Variants in ZNF687 observed in about 807,000 individuals in gnomAD.
ZNF687 encodes the protein zinc finger protein 687.
Under a neutral mutation model 71.8 loss-of-function variants are expected in ZNF687, and 13 were observed. That is an observed-to-expected ratio of 0.18 (90% CI 0.12 to 0.29). ZNF687 has a LOEUF of 0.29. Among genes scored for constraint, ZNF687 ranks in the 10% least tolerant of loss-of-function variants. The pLI is 1.00. For missense variants in ZNF687, 1,412 were observed against 1,625.6 expected (o/e 0.87, Z 2.26); for synonymous variants, 673 against 641.6 (o/e 1.05, Z -0.74).
In ZNF687 at chr1:151,287,872, C is replaced by G; in HGVS notation, c.1581C>G (p.Ala527=). ...GCCCACCAGCTGAGGCTGGGCTGGC[C>G]CTGCCTCCCACCGGCTACCGCTGCC... The part of the protein sequence containing the change: ...NLSPPAEAGL[A]LPPTGYRCLE... The change falls in exon 2 of 9, where the codon GCC becomes GCG. Residue 527 remains alanine, a synonymous_variant. Transcript: ENST00000336715. This position sits in a 1 kb window ranked among gnomAD's most constrained non-coding sequence, Gnocchi z 5.0. The G allele has an allele frequency of 6.2e-7, 1 of 1,613,882 alleles. No homozygotes were observed. The highest frequency in any genetic ancestry group is 8.5e-7 in the Non-Finnish European group (1 of 1,179,988).
At chr1:151,286,146 C>T (rs954148798) in intron 1 of ZNF687, 129 bp from the exon 2 acceptor site, 14 of 699,516 alleles carry the variant, frequency 2.0e-5, no homozygotes, top group African/African-American at 7.2e-5. Flanking sequence ...CATGCCGTGG[C>T]GGAGGTGTAC....
chr1:151,291,006 G>A lies in ZNF687; in HGVS notation c.3511G>A (p.Gly1171Arg). The change falls in exon 9 of 9, where the codon GGG (glycine) becomes AGG (arginine). Residue 1171 changes from glycine (G) to arginine (R), a missense_variant. Transcript: ENST00000336715. ...RRGVGKASALGLGDGEEEAPP... is the reference protein window; with the variant it reads ...RRGVGKASALRLGDGEEEAPP... ...GGGTGTGGGTAAAGCCAGTGCCCTG[G>A]GGCTGGGGGATGGGGAGGAAGAGGC... 6.2e-7 allele frequency: 1 copy of A among 1,614,002 alleles called. No individual in the cohort carries two copies.
chr1:151,286,815 A>C lies in ZNF687; in HGVS notation c.524A>C (p.Asp175Ala), dbSNP rs779473474. Residue 175 changes from aspartate (D) to alanine (A), a missense_variant, in exon 2 of 9, where the codon GAT (aspartate) becomes GCT (alanine). By Grantham distance (126) the Asp-to-Ala change is moderately radical. Coordinates refer to ENST00000336715, the MANE Select transcript of ZNF687 (RefSeq NM_020832.3). ...HFGPEPGDHS[D>A]PLPPSAPSPT... is the part of the protein sequence containing the mutation. The stretch of plus-strand genomic sequence containing the variant: ...GGCCCTGAGCCAGGGGACCACTCAG[A>C]TCCGCTGCCTCCCTCTGCACCCTCT... The C allele has an allele frequency of 1.9e-6, 3 of 1,614,012 alleles. No homozygotes were observed. The African/African-American group carries it at 4.0e-5, about 22-fold the overall frequency.
At position 151,287,304 on chromosome 1, in the gene ZNF687, C is replaced by G. The variant is rs778316550; in HGVS notation, c.1013C>G (p.Ser338Cys). Residue 338 changes from serine to cysteine, a missense_variant, in exon 2 of 9, where the codon TCC becomes TGC. By Grantham distance (112) the Ser-to-Cys change is moderately radical. This residue lies in a region of ZNF687 where 490 missense variants were observed against 489.9 expected (regional missense o/e 1.00). Coordinates refer to ENST00000336715, the MANE Select transcript of ZNF687 (RefSeq NM_020832.3). This position sits in a 1 kb window ranked among gnomAD's most constrained non-coding sequence, Gnocchi z 5.0. ...LKVRIKTIKTSCGNITRTVTQ... is the reference protein window; with the variant it reads ...LKVRIKTIKTCCGNITRTVTQ... ...GTGCGGATCAAGACCATTAAAACATCCTGCGGGAATATCACAAGGACTGTA... is the reference window on the plus strand; with the variant it reads ...GTGCGGATCAAGACCATTAAAACATGCTGCGGGAATATCACAAGGACTGTA... 8.7e-6 allele frequency: 14 copies of G among 1,614,084 alleles called. No individual in the cohort carries two copies. The highest frequency in any genetic ancestry group is 1.2e-5 in the Non-Finnish European group (14 of 1,180,042).
intron 1 of ZNF687, 45 bp downstream of exon 1, chr1:151,282,440 T>G (rs922487704): frequency 5.1e-6 from 5 of 978,050 alleles, no homozygotes; most frequent in South Asian, 4.6e-5. Flanking sequence ...TCCGCCCCCT[T>G]GGGGGGGGCG....
Position 151,286,603 on chromosome 1 carries a change from A to C in ZNF687, c.312A>C (p.Gly104=). The change falls in exon 2 of 9, where the codon GGA becomes GGC. Residue 104 remains glycine, a synonymous_variant. Coordinates refer to ENST00000336715, the MANE Select transcript of ZNF687 (RefSeq NM_020832.3). ...QSEALAGGSA[G]DGAQAAGVTK... is the part of the protein sequence containing the mutation. The stretch of plus-strand genomic sequence containing the variant: ...AGGCCCTGGCTGGAGGCTCAGCAGG[A>C]GACGGGGCCCAGGCTGCTGGGGTAA... 6.2e-7 allele frequency: 1 copy of C among 1,614,188 alleles called. No individual in the cohort carries two copies. The highest frequency in any genetic ancestry group is 1.1e-5 in the South Asian group (1 of 91,084).
Position 151,287,530 on chromosome 1 carries a change from G to C in ZNF687, c.1239G>C (p.Met413Ile). 6.2e-7 allele frequency: 1 copy of C among 1,614,162 alleles called. No individual in the cohort carries two copies. The highest frequency in any genetic ancestry group is 8.5e-7 in the Non-Finnish European group (1 of 1,180,034). ...VATIQNASTA[M>I]LMAASVARKA... ...CCATCCAGAACGCCAGTACTGCCAT[G>C]CTGATGGCAGCCAGTGTGGCTCGCA... Residue 413 changes from methionine (M) to isoleucine (I), a missense_variant, in exon 2 of 9, where the codon ATG becomes ATC. Met to Ile is a conservative substitution (Grantham distance 10). Transcript: ENST00000336715. This position sits in a 1 kb window ranked among gnomAD's most constrained non-coding sequence, Gnocchi z 5.0.
At chr1:151,288,947 G>A in intron 3 of ZNF687, 148 bp from the exon 4 acceptor site, 1 of 1,013,434 alleles carries the variant, frequency 9.9e-7, no homozygotes, top group Admixed American at 2.6e-5. Context: ...CACAGCCTCT[G>A]CACCTCTCTC....
rs1482068443 is a variant in ZNF687, at chr1:151,292,063, G to C, written c.*854G>C. The C allele has an allele frequency of 6.6e-6, 1 of 152,106 alleles. No individual in the cohort carries two copies. The highest frequency in any genetic ancestry group is 1.9e-4 in the East Asian group (1 of 5,184). The allele number at this position is 152,106 out of a possible 1,614,324, so 9.4% of individuals were successfully genotyped here. On this transcript the variant is annotated 3_prime_UTR_variant, in exon 9 of 9. Transcript: ENST00000336715. ...GTGCCTTTTGTATCTTGGACACTGA[G>C]GCATCCGTTCATACCTCATCACCCA...
At chr1:151,283,805 C>T in intron 1 of ZNF687, 1 of 985,310 alleles carries the variant, frequency 1.0e-6, no homozygotes, top group Non-Finnish European at 1.2e-6. Context: ...TTGCCCCCAC[C>T]CCAACCTTGG....
chr1:151,281,976 C>T (rs1693730108), upstream of ZNF687: 2 of 1,210,006 alleles, frequency 1.7e-6, no homozygotes, highest in South Asian at 2.8e-5. Context: ...AGTAGGCAAG[C>T]TGGGAAGCAG....
rs1209976739 is a variant in ZNF687 at position 151,289,952 on chromosome 1, C to G, written c.2909C>G (p.Ser970Cys). 7 of 1,568,054 alleles carry G rather than the reference C, an allele frequency of 4.5e-6. No homozygotes were observed. Among genetic ancestry groups the G allele is most frequent in the Non-Finnish European group, 6.1e-6 (7 of 1,154,372 alleles). ...GGCTGGACCTGTGGCCTGTGTCACT[C>G]CTGGTTCCCTGAGCGTGATGAATAC... Reference protein sequence around the residue: ...PGGWTCGLCHSWFPERDEYVA... With the variant: ...PGGWTCGLCHCWFPERDEYVA... Residue 970 changes from serine (S) to cysteine (C), a missense_variant, in exon 6 of 9, where the codon TCC (serine) becomes TGC (cysteine). This residue lies in a region of ZNF687 where 135 missense variants were observed against 104.1 expected (regional missense o/e 1.30). Transcript: ENST00000336715.
rs376423165 is a variant in ZNF687, at chr1:151,286,685, C to T, written c.394C>T (p.Pro132Ser). Reference protein sequence around the residue: ...RMQNGFGSPEPSLPGTPHSPA... With the variant: ...RMQNGFGSPESSLPGTPHSPA... ...GCAGAATGGTTTTGGGAGCCCTGAACCTTCCCTCCCAGGAACTCCCCACTC... is the reference window on the plus strand; with the variant it reads ...GCAGAATGGTTTTGGGAGCCCTGAATCTTCCCTCCCAGGAACTCCCCACTC... Residue 132 changes from proline (P) to serine (S), a missense_variant, in exon 2 of 9, where the codon CCT becomes TCT. By Grantham distance (74) the Pro-to-Ser change is moderately conservative. Around this residue, in one of 8 missense-constraint regions of ZNF687, gnomAD observed 490 missense variants for 489.9 expected, o/e 1.00. Coordinates refer to ENST00000336715, the MANE Select transcript of ZNF687 (RefSeq NM_020832.3). 3.1e-6 allele frequency: 5 copies of T among 1,614,082 alleles called. 1 individual carries two copies. In the South Asian group the frequency reaches 3.3e-5, roughly 11 times the overall value.
chr1:151,282,411 G>T lies in ZNF687; in HGVS notation c.-18+16G>T, dbSNP rs952209523. 6 of 986,658 alleles carry T rather than the reference G, an allele frequency of 6.1e-6. No individual in the cohort carries two copies. Among genetic ancestry groups the T allele is most frequent in the Admixed American group, 6.1e-5 (1 of 16,344 alleles). The allele number at this position is 986,658 out of a possible 1,614,324, so 61.1% of individuals were successfully genotyped here. On this transcript the variant is annotated intron_variant, in intron 1 of 8. Coordinates refer to ENST00000336715, the MANE Select transcript of ZNF687 (RefSeq NM_020832.3). ...AGCGGAACAAGTAAGCGTGCCTGGG[G>T]TAAATACCCGCCCTTGGCTCCGCCC...
chr1:151,283,091 T>C (rs1232457981), intron 1 of ZNF687: 1 of 985,310 alleles, frequency 1.0e-6, no homozygotes, highest in Non-Finnish European at 1.2e-6. Flanking sequence ...GGCCCGGCCT[T>C]CGCTTCGCAC....
Position 151,291,158 on chromosome 1 carries a change from G to T in ZNF687, c.3663G>T (p.Thr1221=). ...SPLNLKTHFR[T]HGMAFIRARQ... ...TAAACCTCAAGACCCACTTCCGCAC[G>T]CATGGCATGGCGTTCATCAGGGCTC... Residue 1221 remains threonine (T), a synonymous_variant, in exon 9 of 9, where the codon ACG becomes ACT. Transcript: ENST00000336715. 1 of 1,612,958 alleles carries T rather than the reference G, an allele frequency of 6.2e-7. No individual in the cohort carries two copies. The highest frequency in any genetic ancestry group is 2.2e-5 in the East Asian group (1 of 44,860).
Position 151,290,453 on chromosome 1 carries a change from C to T in ZNF687, c.3099C>T (p.Arg1033=). The T allele has an allele frequency of 6.2e-7, 1 of 1,613,970 alleles. No homozygotes were observed. The highest frequency in any genetic ancestry group is 8.5e-7 in the Non-Finnish European group (1 of 1,180,026). ...YPCRYCTEGK[R]TFSSRLILEK... is the part of the protein sequence containing the mutation. Reference sequence around the variant, plus strand: ...TCAGGTATTGCACAGAGGGAAAACGCACCTTCAGCAGCCGCCTGATCCTAG... The same window carrying T: ...TCAGGTATTGCACAGAGGGAAAACGTACCTTCAGCAGCCGCCTGATCCTAG... The change falls in exon 8 of 9, where the codon CGC becomes CGT. Residue 1033 remains arginine (R), a synonymous_variant. Coordinates refer to ENST00000336715, the MANE Select transcript of ZNF687 (RefSeq NM_020832.3).
chr1:151,285,355 G>A (rs1170661709), intron 1 of ZNF687: 1 of 152,086 alleles, frequency 6.6e-6, no homozygotes, highest in African/African-American at 2.4e-5. Flanking sequence ...GGGGACCGGA[G>A]GGGATGAGAT....
Position 151,286,451 on chromosome 1 carries a change from A to G in ZNF687, c.160A>G (p.Thr54Ala), listed in dbSNP as rs1693948541. Residue 54 changes from threonine (T) to alanine (A), a missense_variant, in exon 2 of 9, where the codon ACA (threonine) becomes GCA (alanine). By Grantham distance (58) the Thr-to-Ala change is moderately conservative. Coordinates refer to ENST00000336715, the MANE Select transcript of ZNF687 (RefSeq NM_020832.3). ...EPGVGSESED[T>A]AAASAGDGPG... Reference sequence around the variant, plus strand: ...AGGTGTAGGAAGTGAATCTGAAGACACAGCAGCAGCCTCTGCTGGGGATGG... The same window carrying G: ...AGGTGTAGGAAGTGAATCTGAAGACGCAGCAGCAGCCTCTGCTGGGGATGG... 1 of 1,613,754 alleles carries G rather than the reference A, an allele frequency of 6.2e-7. No homozygotes were observed. Among genetic ancestry groups the G allele is most frequent in the South Asian group, 1.1e-5 (1 of 91,054 alleles).
Sources: gnomAD v4.1 joint callset for allele counts on GRCh38, gnomAD v4.1.1 for gene constraint, gnomAD v4.1.1 regional missense constraint, Gnocchi (gnomAD v3.1) non-coding constraint, MANE v1.5 for transcripts, NCBI Gene and HGNC (gene_info 2026-07-23, HGNC 2026-07-21) for gene names.